Variants in TRHDE observed in about 807,000 individuals in gnomAD.
The protein encoded by TRHDE is thyrotropin releasing hormone degrading enzyme, also known as thyrotropin-releasing hormone-degrading ectoenzyme.
TRHDE carries 72 observed loss-of-function variants against 125.7 expected under a neutral mutation model. The observed-to-expected ratio is 0.57, with a 90% CI of 0.47 to 0.70. The LOEUF (loss-of-function observed/expected upper bound fraction) is 0.70, where lower values mean the gene tolerates loss of function less well. Among genes scored for constraint, TRHDE ranks in the 30% least tolerant of loss-of-function variants. The pLI, the probability that TRHDE is intolerant of heterozygous loss-of-function variation, is 0.00. For synonymous variants in TRHDE, 509 were observed against 509.1 expected (o/e 1.00, Z 0.00); for missense variants, 1,110 against 1,327.1 (o/e 0.84, Z 2.54).
At chr12:72,190,002 A>G (rs1271082688) in intron 2 of TRHDE, among the ~76,000 whole-genome samples, 1 of 152,146 alleles carries the variant, frequency 6.6e-6, no homozygotes, top group Non-Finnish European at 1.5e-5. Flanking sequence ...TTCGGAAGTA[A>G]AAAATAGTCT....
chr12:72,550,686 A>C (rs1869633925), intron 7 of TRHDE, among the ~76,000 whole-genome samples: 2 of 151,862 alleles, frequency 1.3e-5, no homozygotes, highest in Admixed American at 6.6e-5. Flanking sequence ...TTGTTAAATA[A>C]CACTCTAATA....
intron 2 of TRHDE, among the ~76,000 whole-genome samples, chr12:72,222,549 T>A (rs1324043560): frequency 6.6e-6 from 1 of 152,074 alleles, no homozygotes; most frequent in African/African-American, 2.4e-5. Flanking sequence ...GATAAGAGGA[T>A]GAGAATTTGC....
chr12:72,661,576 T>C (rs1010802387), intron 18 of TRHDE, among the ~76,000 whole-genome samples: 1 of 152,166 alleles, frequency 6.6e-6, no homozygotes, highest in African/African-American at 2.4e-5. Context: ...AGTCTGAACA[T>C]AAATATATAA....
At chr12:72,638,274 C>G (rs1873858207) in intron 15 of TRHDE, among the ~76,000 whole-genome samples, 3 of 150,052 alleles carry the variant, frequency 2.0e-5, no homozygotes, top group South Asian at 2.1e-4. Flanking sequence ...TTCTTTGTCT[C>G]TTTTGATCTT....
intron 12 of TRHDE, among the ~76,000 whole-genome samples, chr12:72,586,793 G>GAA (rs59849205): frequency 1.8e-5 from 2 of 110,976 alleles, no homozygotes; most frequent in Admixed American, 9.2e-5. Flanking sequence ...TAACCAAAAT[G>GAA]AAAAAAAAAA....
intron 12 of TRHDE, among the ~76,000 whole-genome samples, chr12:72,578,021 A>G (rs910940570): frequency 1.3e-5 from 2 of 152,214 alleles, no homozygotes; most frequent in Non-Finnish European, 2.9e-5. Flanking sequence ...TTCATATTTC[A>G]TTGTAGTATT....
At chr12:72,211,303 G>A (rs1877776018) in intron 2 of TRHDE, among the ~76,000 whole-genome samples, 1 of 152,146 alleles carries the variant, frequency 6.6e-6, no homozygotes, top group Admixed American at 6.6e-5. Context: ...TCATAGTTCT[G>A]GTTGAAGGGA....
chr12:72,548,229 T>A (rs919345385), intron 7 of TRHDE, among the ~76,000 whole-genome samples: 1 of 151,802 alleles, frequency 6.6e-6, no homozygotes, highest in African/African-American at 2.4e-5. Context: ...TGCCCTCATT[T>A]TTTTGTCTGT....
chr12:72,366,377 C>G (rs546920228), intron 2 of TRHDE, among the ~76,000 whole-genome samples: 1 of 152,258 alleles, frequency 6.6e-6, no homozygotes, highest in South Asian at 2.1e-4. Context: ...AAGTGATTTA[C>G]AAGAAGAGAC....
At chr12:72,597,703 G>T (rs79049735) in intron 12 of TRHDE, among the ~76,000 whole-genome samples, 1 of 62,638 alleles carries the variant, frequency 1.6e-5, no homozygotes, top group Admixed American at 1.8e-4. Context: ...ATATATATGT[G>T]TGTGTGTATG....
At chr12:72,593,245 C>G (rs934151742) in intron 12 of TRHDE, among the ~76,000 whole-genome samples, 1 of 152,144 alleles carries the variant, frequency 6.6e-6, no homozygotes, top group Non-Finnish European at 1.5e-5. Context: ...CACTTAGCCC[C>G]AGTCTAAAAG....
intron 4 of TRHDE, among the ~76,000 whole-genome samples, chr12:72,471,130 G>A (rs1049847891): frequency 1.3e-5 from 2 of 151,842 alleles, no homozygotes; most frequent in Non-Finnish European, 2.9e-5. Context: ...CACCCCCCTC[G>A]ACCTCCCAAA....
chr12:72,203,687 T>A (rs1877609078), intron 2 of TRHDE, among the ~76,000 whole-genome samples: 1 of 152,190 alleles, frequency 6.6e-6, no homozygotes, highest in Admixed American at 6.5e-5. Flanking sequence ...TTCTTAGTTG[T>A]TTACTAACTT....
intron 3 of TRHDE, among the ~76,000 whole-genome samples, chr12:72,381,665 G>A (rs548128296): frequency 2.0e-5 from 3 of 152,228 alleles, no homozygotes; most frequent in South Asian, 4.1e-4. Flanking sequence ...CAAAGTGCTG[G>A]GATTACAGGC....
At chr12:72,369,549 T>G (rs1217185153) in intron 2 of TRHDE, among the ~76,000 whole-genome samples, 3 of 152,194 alleles carry the variant, frequency 2.0e-5, no homozygotes, top group East Asian at 3.8e-4. Flanking sequence ...GAGAAGAATT[T>G]TGGCATGTTT....
At chr12:72,251,293 C>T (rs1405685798) in intron 2 of TRHDE, among the ~76,000 whole-genome samples, 1 of 151,994 alleles carries the variant, frequency 6.6e-6, no homozygotes, top group Non-Finnish European at 1.5e-5. Flanking sequence ...CTGCACTCTT[C>T]CGGCCCTCTC....
chr12:72,520,278 C>G (rs529437895), intron 6 of TRHDE, among the ~76,000 whole-genome samples: 156 of 152,320 alleles, frequency 1.0e-3, no homozygotes, highest in Admixed American at 8.6e-3. Context: ...GACTGCTGTG[C>G]TAGCAATCAG....
rs910774765 is a variant in TRHDE at position 72,668,430 on chromosome 12, C to G, written c.*5235C>G. 1 of 151,754 alleles carries G rather than the reference C, an allele frequency of 6.6e-6. No individual in the cohort carries two copies. Among genetic ancestry groups the G allele is most frequent in the East Asian group, 1.9e-4 (1 of 5,158 alleles). The allele number at this position is 151,754 out of a possible 1,614,324, so 9.4% of individuals were successfully genotyped here. On this transcript the variant is annotated 3_prime_UTR_variant, in exon 19 of 19. Transcript: ENST00000261180. ...ATGATTTTACCCCAGATTTTGAAAACATACCACTTTAATGGCCTTTATTTC... is the reference window on the plus strand; with the variant it reads ...ATGATTTTACCCCAGATTTTGAAAAGATACCACTTTAATGGCCTTTATTTC...
chr12:72,311,016 G>T (rs1409053832), intron 2 of TRHDE, among the ~76,000 whole-genome samples: 2 of 151,910 alleles, frequency 1.3e-5, no homozygotes, highest in African/African-American at 2.4e-5. Flanking sequence ...CAGGTTATTG[G>T]TGTATACGTT....
Sources: allele counts gnomAD v4.1 joint callset (sites outside exome capture counted in the v4.1 genomes callset), GRCh38; gene constraint gnomAD v4.1.1; transcripts MANE v1.5; gene names NCBI Gene and HGNC (gene_info 2026-07-23, HGNC 2026-07-21).